The following NARF variants were observed in gnomAD, a reference collection of about 807,000 sequenced individuals.
NARF encodes the protein iron-only hydrogenase-like protein 2.
NARF carries 41 observed loss-of-function variants against 48.0 expected under a neutral mutation model. The observed-to-expected ratio is 0.85, with a 90% CI of 0.66 to 1.11. The LOEUF (loss-of-function observed/expected upper bound fraction) is 1.11, where lower values mean the gene tolerates loss of function less well. NARF is among the 50% of genes least tolerant of loss of function. The probability of loss-of-function intolerance (pLI) is 0.00; values close to 1 mark genes in which losing one functional copy is unlikely to be tolerated. For missense variants in NARF, 613 were observed against 590.2 expected, an observed-to-expected ratio of 1.04 and a Z score of -0.40; for synonymous variants, 215 against 225.5, an observed-to-expected ratio of 0.95 and a Z score of 0.42.
chr17:82,467,014 A>G (rs1599824154), intron 3 of NARF, among the ~76,000 whole-genome samples: 2 of 126,722 alleles, frequency 1.6e-5, no homozygotes, highest in South Asian at 4.9e-4. Flanking sequence ...TTTTTTCCCC[A>G]TTACTTCCAC....
rs995701441 is a variant in NARF at position 82,464,303 on chromosome 17, A to G, written c.125A>G (p.Lys42Arg). Residue 42 changes from lysine to arginine, a missense_variant, in exon 3 of 11, where the codon AAG becomes AGG. Physicochemically the swap from Lys to Arg is conservative, Grantham distance 26 (BLOSUM62 2). Coordinates refer to ENST00000309794, the MANE Select transcript of NARF (RefSeq NM_012336.4). ...CTTTCATAGAAGGGAGAATTCCACA[A>G]GTTGGCTGATGCCAAGATATTTTTG... Reference protein sequence around the residue: ...QENGEKGEFHKLADAKIFLSD... With the variant: ...QENGEKGEFHRLADAKIFLSD... The G allele has an allele frequency of 4.3e-6, 7 of 1,613,498 alleles. No homozygotes were observed. The highest frequency in any genetic ancestry group is 5.9e-6 in the Non-Finnish European group (7 of 1,179,796).
In NARF at chr17:82,472,478, C is replaced by T. The variant is rs552483948; in HGVS notation, c.386-86C>T. 141 of 1,382,166 alleles carry T rather than the reference C, an allele frequency of 1.0e-4. 1 individual carries two copies. Among genetic ancestry groups the T allele is most frequent in the South Asian group, 8.8e-4 (61 of 69,678 alleles). The allele number at this position is 1,382,166 out of a possible 1,614,324, so 85.6% of individuals were successfully genotyped here. On this transcript the variant is annotated intron_variant, in intron 4 of 10. Transcript: ENST00000309794. Reference sequence around the variant, plus strand: ...TAGCCTGGGTGACAGAACGAGACTCCGTCTCAAAAAAAAAAAAAAAGAGGA... The same window carrying T: ...TAGCCTGGGTGACAGAACGAGACTCTGTCTCAAAAAAAAAAAAAAAGAGGA...
chr17:82,473,552 C>T (rs1388013564), intron 5 of NARF, among the ~76,000 whole-genome samples: 9 of 150,510 alleles, frequency 6.0e-5, no homozygotes, highest in South Asian at 2.1e-4. Flanking sequence ...GGGGTTTCAC[C>T]GTGTTAGTCA....
chr17:82,465,379 C>T (rs1407062187), intron 3 of NARF, among the ~76,000 whole-genome samples: 1 of 152,142 alleles, frequency 6.6e-6, no homozygotes, highest in African/African-American at 2.4e-5. Flanking sequence ...CTGTCACCTC[C>T]ACGGGAAGCA....
chr17:82,478,585 C>T (rs1034818830), intron 5 of NARF: 29 of 646,584 alleles, frequency 4.5e-5, no homozygotes, highest in Non-Finnish European at 7.4e-5. Context: ...GCTCCCATTT[C>T]CCAGTAGCCT....
intron 2 of NARF, chr17:82,460,729 A>G (rs1439585011): frequency 2.0e-5 from 3 of 152,338 alleles, no homozygotes; most frequent in Admixed American, 6.5e-5. Flanking sequence ...GCGCCACTGC[A>G]CTCCAGCCTG....
At chr17:82,484,519 C>A (rs2044049881) in intron 8 of NARF, 1 of 264,734 alleles carries the variant, frequency 3.8e-6, no homozygotes, top group Non-Finnish European at 7.2e-6. Context: ...AGAGACAGAA[C>A]AAGACCCTGT....
chr17:82,466,612 C>G (rs1490679567), intron 3 of NARF, among the ~76,000 whole-genome samples: 2 of 152,126 alleles, frequency 1.3e-5, no homozygotes, highest in East Asian at 3.9e-4. Context: ...ACCACCATGC[C>G]CAGCTAATTT....
At chr17:82,476,326 G>A (rs892181430) in intron 5 of NARF, among the ~76,000 whole-genome samples, 9 of 152,026 alleles carry the variant, frequency 5.9e-5, no homozygotes, top group African/African-American at 1.9e-4. Flanking sequence ...ATTTTTAGTA[G>A]AGACGGGGTT....
chr17:82,466,286 T>C (rs868629014), intron 3 of NARF, among the ~76,000 whole-genome samples: 2 of 152,056 alleles, frequency 1.3e-5, no homozygotes, highest in African/African-American at 4.8e-5. Context: ...TTCAGTTTTT[T>C]CCCCCCTGAT....
chr17:82,482,298 C>T (rs2043983040), intron 7 of NARF: 1 of 392,212 alleles, frequency 2.5e-6, no homozygotes. Context: ...CCCATAGGCA[C>T]AGGCTCCCTG....
intron 5 of NARF, chr17:82,476,597 C>A (rs2043837413): frequency 6.6e-6 from 1 of 152,234 alleles, no homozygotes; most frequent in African/African-American, 2.4e-5. Context: ...GCATGCACCA[C>A]CACGCCTGGC....
At chr17:82,468,414 G>A (rs1180934719) in intron 3 of NARF, 6 of 214,708 alleles carry the variant, frequency 2.8e-5, no homozygotes, top group Admixed American at 5.5e-5. Flanking sequence ...GGCTATGGCT[G>A]TTCCTAAGTG....
intron 2 of NARF, among the ~76,000 whole-genome samples, chr17:82,462,291 G>A (rs570494636): frequency 8.5e-5 from 13 of 152,274 alleles, no homozygotes; most frequent in African/African-American, 2.9e-4. Flanking sequence ...GGCAAGAGGA[G>A]GGTGTGGACA....
intron 2 of NARF, among the ~76,000 whole-genome samples, chr17:82,461,606 G>A (rs1465933956): frequency 2.0e-5 from 3 of 152,098 alleles, no homozygotes; most frequent in East Asian, 1.9e-4. Context: ...GTGAGACTCC[G>A]TCTCAAAAAA....
intron 6 of NARF, 72 bp downstream of exon 6, chr17:82,478,990 A>C: frequency 1.4e-6 from 2 of 1,440,300 alleles, no homozygotes; most frequent in Non-Finnish European, 1.9e-6. Context: ...CAGGAAGGGG[A>C]GGTTCCCCAT....
At chr17:82,460,464 CA>C in intron 2 of NARF, 7 of 154,970 alleles carry the variant, frequency 4.5e-5, no homozygotes, top group South Asian at 1.7e-4. Context: ...GACTCTGTCC[CA>C]AAAAAAAGAC....
At chr17:82,487,788 C>CCAAAAGA in intron 10 of NARF, 128 bp from the exon 11 acceptor site, 3 of 759,774 alleles carry the variant, frequency 3.9e-6, no homozygotes, top group East Asian at 3.4e-5. Flanking sequence ...CCCTCCCGCC[C>CCAAAAGA]AATCTCTACA....
chr17:82,476,486 C>G (rs2043834794), intron 5 of NARF: 1 of 153,454 alleles, frequency 6.5e-6, no homozygotes, highest in East Asian at 1.9e-4. Context: ...GAGTCTCGCT[C>G]TGTTGCCCAG....
Sources: allele counts gnomAD v4.1 joint callset (sites outside exome capture counted in the v4.1 genomes callset), GRCh38; gene constraint gnomAD v4.1.1; transcripts MANE v1.5; gene names NCBI Gene and HGNC (gene_info 2026-07-23, HGNC 2026-07-21).